PCDHA2: variants seen among roughly 807,000 people sequenced by gnomAD.
PCDHA2 encodes protocadherin alpha 2.
PCDHA2 carries 58 observed loss-of-function variants against 66.0 expected under a neutral mutation model. The ratio of observed to expected loss-of-function variants is 0.88; its 90% confidence interval spans 0.71 to 1.09. The LOEUF (loss-of-function observed/expected upper bound fraction) is 1.09. Ranked by LOEUF, PCDHA2 falls within the 50% of genes least tolerant of loss-of-function variation. PCDHA2 has a pLI of 0.00. For missense variants in PCDHA2, 1,267 were observed against 1,242.3 expected (o/e 1.02, Z -0.30); for synonymous variants, 634 against 554.0 (o/e 1.14, Z -2.03).
intron 1 of PCDHA2, chr5:140,930,064 C>G (rs2153602971): frequency 6.6e-6 from 1 of 152,306 alleles, no homozygotes; most frequent in Non-Finnish European, 1.5e-5. Context: ...TACACAAAAA[C>G]TGTAAGCCTC....
chr5:140,977,359 A>G (rs1335405602), intron 1 of PCDHA2, among the ~76,000 whole-genome samples: 6 of 152,212 alleles, frequency 3.9e-5, no homozygotes, highest in Non-Finnish European at 8.8e-5. Context: ...TGATTGATAA[A>G]AAGTATTTTA....
chr5:140,799,893 C>G (rs1762485843), intron 1 of PCDHA2, among the ~76,000 whole-genome samples: 2 of 151,996 alleles, frequency 1.3e-5, no homozygotes, highest in Non-Finnish European at 2.9e-5. Flanking sequence ...TTCTTTGCCC[C>G]ACTTCCAAAT....
chr5:140,972,820 C>A (rs1247488574), intron 1 of PCDHA2, among the ~76,000 whole-genome samples: 3 of 151,964 alleles, frequency 2.0e-5, no homozygotes, highest in Admixed American at 6.6e-5. Context: ...CGCGCCACCA[C>A]GCCTGGCTAA....
At chr5:140,967,613 G>C in intron 1 of PCDHA2, 1 of 1,614,182 alleles carries the variant, frequency 6.2e-7, no homozygotes, top group Non-Finnish European at 8.5e-7. Flanking sequence ...GAATGCCTCA[G>C]ACCCGGATGA....
rs189094380 is a variant in PCDHA2 at position 140,918,016 on chromosome 5, T to C, written c.2389-60933T>C. Among the ~76,000 whole-genome samples the C allele has an allele frequency of 1.3e-4, 20 of 152,344 alleles. No individual in the cohort carries two copies. The East Asian group carries it at 3.9e-3, about 29-fold the overall frequency. ...TTATCTTAACAATGTTGTTTCTTCC[T>C]ACCCATGAGCGTGGAAGGTCTTTCC... On this transcript the variant is annotated intron_variant, in intron 1 of 3. Transcript: ENST00000526136.
chr5:140,915,513 A>T (rs2077156707), intron 1 of PCDHA2, among the ~76,000 whole-genome samples: 2 of 152,124 alleles, frequency 1.3e-5, no homozygotes, highest in African/African-American at 2.4e-5. Context: ...GTTTTTGCAG[A>T]CTAGTAGAGG....
At chr5:140,840,332 C>G (rs1776661015) in intron 1 of PCDHA2, among the ~76,000 whole-genome samples, 1 of 151,624 alleles carries the variant, frequency 6.6e-6, no homozygotes, top group African/African-American at 2.4e-5. Context: ...ATTTTCTAGG[C>G]AATGTTAGGG....
chr5:140,999,712 C>T (rs1411166924), intron 3 of PCDHA2, among the ~76,000 whole-genome samples: 9 of 152,204 alleles, frequency 5.9e-5, no homozygotes, highest in African/African-American at 9.6e-5. Flanking sequence ...TAGCTAACTA[C>T]GGAGACCAGC....
rs1251484030 is a variant in PCDHA2, at chr5:140,848,856, G to A, written c.2388+51504G>A. ...GCCGCTGCAGGTTTTCCATGTGGAC[G>A]TGGAGGTGAAGGACATTAACGACAA... On this transcript the variant is annotated intron_variant, in intron 1 of 3. Coordinates refer to ENST00000526136, the MANE Select transcript of PCDHA2 (RefSeq NM_018905.3). 7.5e-6 allele frequency: 12 copies of A among 1,590,572 alleles called. 2 individuals carry two copies. Among genetic ancestry groups the A allele is most frequent in the African/African-American group, 4.1e-5 (3 of 73,826 alleles).
At chr5:141,008,159 G>A (rs1352277469) in intron 3 of PCDHA2, among the ~76,000 whole-genome samples, 1 of 152,138 alleles carries the variant, frequency 6.6e-6, no homozygotes, top group East Asian at 1.9e-4. Flanking sequence ...TTGATAAGAT[G>A]AGGACTAAAA....
At chr5:140,828,417 T>C (rs2150155099) in intron 1 of PCDHA2, 1 of 1,614,214 alleles carries the variant, frequency 6.2e-7, no homozygotes, top group South Asian at 1.1e-5. Context: ...CTGGAGGTGA[T>C]CGTGGACAGG....
chr5:140,811,055 G>T (rs1295637288), intron 1 of PCDHA2: 1 of 151,942 alleles, frequency 6.6e-6, no homozygotes, highest in South Asian at 2.1e-4. Flanking sequence ...TGTGCACAAC[G>T]TGCAGGTTTG....
intron 1 of PCDHA2, among the ~76,000 whole-genome samples, chr5:140,963,536 T>G (rs2095772178): frequency 6.6e-6 from 1 of 152,230 alleles, no homozygotes; most frequent in African/African-American, 2.4e-5. Flanking sequence ...TCCCATTTAC[T>G]TCATGATATA....
At chr5:140,830,595 A>T (rs1211988940) in intron 1 of PCDHA2, 21 of 702,108 alleles carry the variant, frequency 3.0e-5, no homozygotes, top group Non-Finnish European at 4.4e-5. Flanking sequence ...ATTTTACAAA[A>T]TTACATATTT....
intron 1 of PCDHA2, chr5:140,828,730 A>G (rs2150158327): frequency 1.2e-6 from 2 of 1,614,250 alleles, no homozygotes; most frequent in Non-Finnish European, 1.7e-6. Context: ...TATTCCTGAC[A>G]GCCACAGATG....
intron 1 of PCDHA2, among the ~76,000 whole-genome samples, chr5:140,920,549 G>T (rs957534849): frequency 6.6e-6 from 1 of 152,120 alleles, no homozygotes; most frequent in Non-Finnish European, 1.5e-5. Flanking sequence ...TTTCACCTTC[G>T]AAGTGTGGCC....
At position 140,839,044 on chromosome 5, in the gene PCDHA2, C is replaced by A. The variant is rs2150294320; in HGVS notation, c.2388+41692C>A. 1.3e-3 allele frequency among the ~76,000 whole-genome samples: 202 copies of A among 152,030 alleles called. 2 individuals are homozygous for A. Among genetic ancestry groups the A allele is most frequent in the Non-Finnish European group, 2.1e-3 (142 of 67,974 alleles). On this transcript the variant is annotated intron_variant, in intron 1 of 3. Transcript: ENST00000526136. ...GGATATGTTACTGTTTTCTTTTCAACGTGAATAAGGATAGAGGTATGCAAA... is the reference window on the plus strand; with the variant it reads ...GGATATGTTACTGTTTTCTTTTCAAAGTGAATAAGGATAGAGGTATGCAAA...
intron 1 of PCDHA2, chr5:140,929,246 C>A: frequency 6.2e-7 from 1 of 1,613,738 alleles, no homozygotes; most frequent in Non-Finnish European, 8.5e-7. Flanking sequence ...AATCTTGCCA[C>A]TGGGGTAGGA....
At chr5:140,884,267 T>C in intron 1 of PCDHA2, 3 of 1,613,566 alleles carry the variant, frequency 1.9e-6, no homozygotes, top group South Asian at 1.1e-5. Context: ...AACGGTGCTG[T>C]TGTCGCTGGT....
Sources: gnomAD v4.1 joint callset for allele counts (sites outside exome capture counted in the v4.1 genomes callset) on GRCh38, gnomAD v4.1.1 for gene constraint, MANE v1.5 for transcripts, NCBI Gene and HGNC (gene_info 2026-07-23, HGNC 2026-07-21) for gene names.